The following GALNT2 variants were observed in gnomAD, a reference collection of about 807,000 sequenced individuals.
The protein encoded by GALNT2 is polypeptide N-acetylgalactosaminyltransferase 2, also known as UDP-GalNAc:polypeptide N-acetylgalactosaminyltransferase 2.
In GALNT2, 31 loss-of-function variants were observed where a neutral mutation model predicts 81.4. That is an observed-to-expected ratio of 0.38 (90% CI 0.29 to 0.51). The LOEUF (loss-of-function observed/expected upper bound fraction) is 0.51, where lower values mean the gene tolerates loss of function less well. Ranked by LOEUF, GALNT2 falls within the 20% of genes least tolerant of loss-of-function variation. The pLI is 0.87. For synonymous variants in GALNT2, 303 were observed against 287.4 expected, an observed-to-expected ratio of 1.05 and a Z score of -0.55; for missense variants, 629 against 765.7, an observed-to-expected ratio of 0.82 and a Z score of 2.11.
intron 1 of GALNT2, among the ~76,000 whole-genome samples, chr1:230,117,961 CAT>C (rs1660894511): frequency 6.6e-6 from 1 of 152,192 alleles, no homozygotes; most frequent in Non-Finnish European, 1.5e-5. Context: ...TGGGCAGTGT[CAT>C]ATGGAATAGC....
chr1:230,238,142 A>C (rs1354260798), intron 6 of GALNT2, among the ~76,000 whole-genome samples: 1 of 152,150 alleles, frequency 6.6e-6, no homozygotes, highest in Admixed American at 6.5e-5. Context: ...TTGCACACAC[A>C]CTCATGTATA....
At chr1:230,174,944 TG>T (rs1307124125) in intron 1 of GALNT2, among the ~76,000 whole-genome samples, 7 of 152,200 alleles carry the variant, frequency 4.6e-5, no homozygotes, top group Non-Finnish European at 7.3e-5. Context: ...ACAGCCTTCC[TG>T]GGGGCCCTGT....
chr1:230,214,710 C>G (rs1664335869), intron 3 of GALNT2, among the ~76,000 whole-genome samples: 1 of 152,118 alleles, frequency 6.6e-6, no homozygotes, highest in Admixed American at 6.5e-5. Context: ...GTCAGTTTTG[C>G]CATGCTGCAG....
chr1:230,171,571 C>T (rs1355949963), intron 1 of GALNT2, among the ~76,000 whole-genome samples: 1 of 152,120 alleles, frequency 6.6e-6, no homozygotes, highest in African/African-American at 2.4e-5. Context: ...TTAACAGTGA[C>T]AACATATATT....
Position 230,172,152 on chromosome 1 carries a change from C to G in GALNT2, c.127-6066C>G, listed in dbSNP as rs143807872. On this transcript the variant is annotated intron_variant, in intron 1 of 15. Coordinates refer to ENST00000366672, the MANE Select transcript of GALNT2 (RefSeq NM_004481.5). Reference sequence around the variant, plus strand: ...TTCTTATGAACAGACTGTGACAGGGCAACAGTGAGTGATTTCCAAGACTAG... The same window carrying G: ...TTCTTATGAACAGACTGTGACAGGGGAACAGTGAGTGATTTCCAAGACTAG... Among the ~76,000 whole-genome samples, 581 of 152,322 alleles carry G rather than the reference C, an allele frequency of 3.8e-3. 5 individuals carry two copies. Among genetic ancestry groups the G allele is most frequent in the African/African-American group, 0.013 (544 of 41,572 alleles).
chr1:230,073,192 C>T (rs1421622940), intron 1 of GALNT2, among the ~76,000 whole-genome samples: 2 of 152,186 alleles, frequency 1.3e-5, no homozygotes, highest in African/African-American at 4.8e-5. Context: ...GTGATCACTC[C>T]TGTCCTTAGA....
At chr1:230,247,760 G>C (rs1665419572) in intron 8 of GALNT2, among the ~76,000 whole-genome samples, 1 of 151,942 alleles carries the variant, frequency 6.6e-6, no homozygotes, top group Admixed American at 6.6e-5. Context: ...CACCCTAAGA[G>C]CATTTTATGA....
intron 15 of GALNT2, among the ~76,000 whole-genome samples, chr1:230,278,570 G>A (rs1450623896): frequency 6.6e-6 from 1 of 152,144 alleles, no homozygotes; most frequent in Admixed American, 6.6e-5. Flanking sequence ...TGTTAGTAAA[G>A]AGGCATCGTA....
rs191843539 is a variant in GALNT2 at position 230,135,144 on chromosome 1, A to G, written c.127-43074A>G. On this transcript the variant is annotated intron_variant, in intron 1 of 15. Transcript: ENST00000366672. ...TTAAGATGCATTCCCCATTTCAGAGATGTCGGAACAGGAAAAGCCATGCAT... is the reference window on the plus strand; with the variant it reads ...TTAAGATGCATTCCCCATTTCAGAGGTGTCGGAACAGGAAAAGCCATGCAT... Among the ~76,000 whole-genome samples the G allele has an allele frequency of 6.9e-3, 1,042 of 152,102 alleles. 8 individuals carry two copies. The highest frequency in any genetic ancestry group is 0.012 in the Non-Finnish European group (835 of 68,000).
intron 1 of GALNT2, among the ~76,000 whole-genome samples, chr1:230,156,267 GTT>G (rs1252405484): frequency 7.0e-6 from 1 of 142,150 alleles, no homozygotes; most frequent in African/African-American, 2.6e-5. Context: ...GTGTGTGTGT[GTT>G]TTACAGCAAA....
At chr1:230,238,559 A>G (rs914900664) in intron 6 of GALNT2, among the ~76,000 whole-genome samples, 2 of 152,226 alleles carry the variant, frequency 1.3e-5, no homozygotes, top group East Asian at 3.8e-4. Context: ...CTATTTAATG[A>G]CAATAGTAGG....
At chr1:230,253,774 C>G (rs191921975) in intron 10 of GALNT2, among the ~76,000 whole-genome samples, 5 of 152,258 alleles carry the variant, frequency 3.3e-5, no homozygotes, top group Admixed American at 3.3e-4. Context: ...AGAACACAAG[C>G]AAGATCCCTC....
chr1:230,162,424 T>G (rs1662463659), intron 1 of GALNT2, among the ~76,000 whole-genome samples: 1 of 152,194 alleles, frequency 6.6e-6, no homozygotes. Context: ...TAGTTTCCCT[T>G]AGGGTTCAGA....
chr1:230,265,029 C>A, intron 13 of GALNT2: 7 of 461,452 alleles, frequency 1.5e-5, no homozygotes, highest in South Asian at 6.5e-5. Flanking sequence ...ACTTCTGCAA[C>A]ATACAGTCTT....
At chr1:230,161,654 T>G (rs555752353) in intron 1 of GALNT2, among the ~76,000 whole-genome samples, 1 of 152,156 alleles carries the variant, frequency 6.6e-6, no homozygotes, top group South Asian at 2.1e-4. Flanking sequence ...GAATTGAGAT[T>G]CTGACTTGCT....
chr1:230,217,322 TGTGC>T (rs371283262), intron 3 of GALNT2, among the ~76,000 whole-genome samples: 5 of 151,214 alleles, frequency 3.3e-5, no homozygotes, highest in African/African-American at 1.2e-4. Flanking sequence ...GACGAGGGAG[TGTGC>T]GTTTGAATAA....
intron 1 of GALNT2, among the ~76,000 whole-genome samples, chr1:230,074,756 A>G (rs1659483273): frequency 6.6e-6 from 1 of 152,222 alleles, no homozygotes. Flanking sequence ...TGTGCATAGA[A>G]ATAAAAGGGC....
intron 3 of GALNT2, among the ~76,000 whole-genome samples, chr1:230,213,850 A>G (rs1232207428): frequency 6.6e-6 from 1 of 152,168 alleles, no homozygotes. Context: ...TTTACCTTCC[A>G]CTTACCTTCA....
intron 1 of GALNT2, 130 bp downstream of exon 1, chr1:230,067,536 C>G: frequency 3.3e-6 from 1 of 303,860 alleles, no homozygotes; most frequent in Non-Finnish European, 5.7e-6. Flanking sequence ...CCGCCCTCGT[C>G]CCGGGCCTCC....
Sources: gnomAD v4.1 joint callset for allele counts (sites outside exome capture counted in the v4.1 genomes callset) on GRCh38, gnomAD v4.1.1 for gene constraint, MANE v1.5 for transcripts, NCBI Gene and HGNC (gene_info 2026-07-23, HGNC 2026-07-21) for gene names.